Variants in TBC1D5 observed in about 807,000 individuals in gnomAD.
TBC1D5 encodes TBC1 domain family member 5.
In TBC1D5, 75 loss-of-function variants were observed where a neutral mutation model predicts 100.3. The observed-to-expected ratio is 0.75, with a 90% CI of 0.62 to 0.91. The LOEUF (loss-of-function observed/expected upper bound fraction) is 0.91. TBC1D5 is among the 40% of genes least tolerant of loss of function. The pLI is 0.00. For synonymous variants in TBC1D5, 323 were observed against 325.6 expected, an observed-to-expected ratio of 0.99 and a Z score of 0.09; for missense variants, 910 against 942.4, an observed-to-expected ratio of 0.97 and a Z score of 0.45.
At chr3:17,412,737 C>T (rs1397373269) in intron 4 of TBC1D5, among the ~76,000 whole-genome samples, 1 of 152,014 alleles carries the variant, frequency 6.6e-6, no homozygotes. Flanking sequence ...TTTAACCCCT[C>T]TTTATGAATG....
At chr3:17,260,842 T>C (rs946561222) in intron 15 of TBC1D5, among the ~76,000 whole-genome samples, 5 of 152,370 alleles carry the variant, frequency 3.3e-5, no homozygotes, top group East Asian at 1.9e-4. Flanking sequence ...TCAGTATATC[T>C]AAAATATTAT....
chr3:17,488,463 G>A (rs776089247), intron 3 of TBC1D5, among the ~76,000 whole-genome samples: 2 of 152,142 alleles, frequency 1.3e-5, no homozygotes, highest in African/African-American at 2.4e-5. Flanking sequence ...CTGTATAGAC[G>A]TAAGTTTTCA....
At chr3:17,564,020 G>C (rs1249501760) in intron 2 of TBC1D5, among the ~76,000 whole-genome samples, 1 of 152,194 alleles carries the variant, frequency 6.6e-6, no homozygotes, top group Admixed American at 6.5e-5. Flanking sequence ...CTGACCTTGT[G>C]ATCCGCCCGC....
At position 17,218,860 on chromosome 3, in the gene TBC1D5, C is replaced by G. The variant is rs1248415618; in HGVS notation, c.1589-4490G>C. Among the ~76,000 whole-genome samples, 5 of 152,022 alleles carry G rather than the reference C, an allele frequency of 3.3e-5. No individual in the cohort carries two copies. In the East Asian group the frequency reaches 9.6e-4, roughly 29 times the overall value. On this transcript the variant is annotated intron_variant, in intron 17 of 21. Transcript: ENST00000253692. ...CTCTTTGTTGTCAGCTTTTGACAGT[C>G]TGACTATGATATATCTAGGTGTAGA...
intron 3 of TBC1D5, among the ~76,000 whole-genome samples, chr3:17,444,849 T>C (rs1024093754): frequency 6.6e-6 from 1 of 152,126 alleles, no homozygotes; most frequent in African/African-American, 2.4e-5. Context: ...CTAATATAAC[T>C]TTCAATGGCT....
chr3:17,514,770 C>G (rs1038550725), intron 2 of TBC1D5, among the ~76,000 whole-genome samples: 2 of 152,054 alleles, frequency 1.3e-5, no homozygotes, highest in African/African-American at 4.8e-5. Flanking sequence ...GTCAAACTGC[C>G]AAACAGAAAG....
At position 17,612,361 on chromosome 3, in the gene TBC1D5, G is replaced by T. The variant is rs536511271; in HGVS notation, c.-36+11488C>A. 2.6e-5 allele frequency among the ~76,000 whole-genome samples: 4 copies of T among 151,562 alleles called. No individual in the cohort carries two copies. The South Asian group carries it at 6.3e-4, about 24-fold the overall frequency. ...AAATGAGTAGAGGCTAGGCGCGGTG[G>T]CTCATACCTGTAACCCCAGCATTTT... On this transcript the variant is annotated intron_variant, in intron 2 of 21. Coordinates refer to ENST00000253692, the Ensembl canonical transcript of TBC1D5.
exon 22 of TBC1D5, chr3:17,161,218 A>G: frequency 6.2e-7 from 1 of 1,614,106 alleles, no homozygotes; most frequent in Non-Finnish European, 8.5e-7. Context: ...AGTCATCGGA[A>G]TTCCCTCTAT....
rs2066019229 is a variant in TBC1D5, at chr3:17,161,265, T to C, written c.2095-9A>G. On this transcript the variant is annotated splice_polypyrimidine_tract_variant and intron_variant, in intron 21 of 21. Coordinates refer to ENST00000253692, the Ensembl canonical transcript of TBC1D5. The stretch of plus-strand genomic sequence containing the variant: ...GGCGTTTCTGAAGAGGCCTGTGAAG[T>C]ACAGTCAGAAGTACAGGTGGATGAA... 1.2e-6 allele frequency: 2 copies of C among 1,602,258 alleles called. No individual in the cohort carries two copies. Among genetic ancestry groups the C allele is most frequent in the Non-Finnish European group, 8.5e-7 (1 of 1,173,402 alleles).
intron 3 of TBC1D5, among the ~76,000 whole-genome samples, chr3:17,461,762 C>T (rs1471164559): frequency 1.3e-5 from 2 of 152,224 alleles, no homozygotes; most frequent in African/African-American, 4.8e-5. Flanking sequence ...TTCTCTAACC[C>T]ACTTCCTATA....
chr3:17,500,409 A>C (rs1276619010), intron 3 of TBC1D5, among the ~76,000 whole-genome samples: 1 of 149,650 alleles, frequency 6.7e-6, no homozygotes, highest in African/African-American at 2.5e-5. Flanking sequence ...AAGCGTAAGA[A>C]TATTCTTCGC....
At chr3:17,652,361 A>G (rs958588711) in intron 1 of TBC1D5, among the ~76,000 whole-genome samples, 3 of 152,192 alleles carry the variant, frequency 2.0e-5, no homozygotes, top group African/African-American at 7.2e-5. Flanking sequence ...GGAAGGCTCA[A>G]AACTACATCG....
intron 2 of TBC1D5, among the ~76,000 whole-genome samples, chr3:17,596,708 A>AAAAAG: frequency 6.6e-6 from 1 of 151,248 alleles, no homozygotes; most frequent in Non-Finnish European, 1.5e-5. Context: ...CTCAAAAAAA[A>AAAAAG]AAAAAAAAAA....
intron 13 of TBC1D5, among the ~76,000 whole-genome samples, chr3:17,358,696 T>C (rs1296450759): frequency 1.3e-5 from 2 of 152,208 alleles, no homozygotes; most frequent in Admixed American, 6.5e-5. Context: ...TTACAAATTC[T>C]AAATTAAAAT....
At chr3:17,525,875 T>C (rs549214316) in intron 2 of TBC1D5, among the ~76,000 whole-genome samples, 1 of 152,084 alleles carries the variant, frequency 6.6e-6, no homozygotes, top group South Asian at 2.1e-4. Context: ...TCTCATGACC[T>C]GGCATATAAT....
intron 2 of TBC1D5, among the ~76,000 whole-genome samples, chr3:17,522,801 T>C (rs1403456883): frequency 6.6e-6 from 1 of 152,176 alleles, no homozygotes; most frequent in Non-Finnish European, 1.5e-5. Context: ...GTCTAAAATC[T>C]AAGTACATTA....
chr3:17,262,575 A>G (rs531175450), intron 15 of TBC1D5, among the ~76,000 whole-genome samples: 2 of 141,182 alleles, frequency 1.4e-5, no homozygotes, highest in Non-Finnish European at 3.0e-5. Flanking sequence ...TCCACCTCCC[A>G]GGTTCACGCC....
chr3:17,602,127 G>A (rs895667993), intron 2 of TBC1D5, among the ~76,000 whole-genome samples: 7 of 152,148 alleles, frequency 4.6e-5, no homozygotes, highest in Non-Finnish European at 8.8e-5. Flanking sequence ...CATTGCGCCC[G>A]GCCAATAAGT....
chr3:17,705,672 T>G (rs1269468651), intron 1 of TBC1D5, among the ~76,000 whole-genome samples: 1 of 132,368 alleles, frequency 7.6e-6, no homozygotes, highest in Non-Finnish European at 1.6e-5. Flanking sequence ...GAGACGCTCC[T>G]CACTTCCTAG....
Sources: allele counts gnomAD v4.1 joint callset (sites outside exome capture counted in the v4.1 genomes callset), GRCh38; gene constraint gnomAD v4.1.1; transcripts MANE v1.5; gene names NCBI Gene and HGNC (gene_info 2026-07-23, HGNC 2026-07-21).